The following CBLIF variants were observed in gnomAD, a reference collection of about 807,000 sequenced individuals.
The protein encoded by CBLIF is gastric intrinsic factor (vitamin B synthesis).
A neutral mutation model predicts 44.9 loss-of-function variants in CBLIF; 24 were observed. That is an observed-to-expected ratio of 0.53 (90% CI 0.39 to 0.75). The LOEUF is 0.75. Ranked by LOEUF, CBLIF falls within the 30% of genes least tolerant of loss-of-function variation. The pLI is 0.00. For missense variants in CBLIF, 481 were observed against 513.0 expected, an observed-to-expected ratio of 0.94 and a Z score of 0.60; for synonymous variants, 183 against 190.9, an observed-to-expected ratio of 0.96 and a Z score of 0.34.
At position 59,837,268 on chromosome 11, in the gene CBLIF, C is replaced by G. The variant is rs142495062; in HGVS notation, c.777G>C (p.Gln259His). The stretch of plus-strand genomic sequence containing the variant: ...TGGACATGGGGTTGTGGAATTTCCC[C>G]TGCTTAATCTCATTGAGTATCATAT... The part of the protein sequence containing the change: ...TTDMILNEIK[Q>H]GKFHNPMSIA... Residue 259 changes from glutamine to histidine, a missense_variant, in exon 6 of 9, where the codon CAG (glutamine) becomes CAC (histidine). Transcript: ENST00000257248. The G allele has an allele frequency of 1.2e-6, 2 of 1,613,156 alleles. No individual in the cohort carries two copies. Among genetic ancestry groups the G allele is most frequent in the Non-Finnish European group, 1.7e-6 (2 of 1,179,110 alleles).
intron 8 of CBLIF, among the ~76,000 whole-genome samples, 195 bp from the exon 9 acceptor site, chr11:59,829,740 C>G (rs1272849237): frequency 6.6e-6 from 1 of 152,190 alleles, no homozygotes; most frequent in East Asian, 1.9e-4. Context: ...TGTTTCCAGT[C>G]TCTGGTCACC....
At chr11:59,830,233 CTTTTT>C (rs530371257) in intron 8 of CBLIF, among the ~76,000 whole-genome samples, 2 of 123,292 alleles carry the variant, frequency 1.6e-5, no homozygotes, top group Non-Finnish European at 1.7e-5. Flanking sequence ...CAATTACTTT[CTTTTT>C]TTTTTTTTTT....
chr11:59,838,848 C>CTTTTTTTTTTTT (rs1217612334), intron 5 of CBLIF, among the ~76,000 whole-genome samples: 2 of 130,544 alleles, frequency 1.5e-5, no homozygotes, highest in African/African-American at 2.9e-5. Flanking sequence ...TTCTTTCTTT[C>CTTTTTTTTTTTT]TTTTTTTTTT....
chr11:59,845,414 C>G lies in CBLIF; in HGVS notation c.40G>C (p.Ala14Pro). ...GTCTGGGTACTAGTCCCAGCTGTAG[C>G]CCAGAGAAGGCTCAGGAGGTAGAGG... ...FALYLLSLLW[A>P]TAGTSTQTQS... The change falls in exon 1 of 9, where the codon GCT (alanine) becomes CCT (proline). Residue 14 changes from alanine (A) to proline (P), a missense_variant. Transcript: ENST00000257248. 6.2e-7 allele frequency: 1 copy of G among 1,613,040 alleles called. No individual in the cohort carries two copies. Among genetic ancestry groups the G allele is most frequent in the Non-Finnish European group, 8.5e-7 (1 of 1,179,072 alleles).
At chr11:59,834,925 C>G (rs1046290959) in intron 7 of CBLIF, among the ~76,000 whole-genome samples, 1 of 152,104 alleles carries the variant, frequency 6.6e-6, no homozygotes, top group African/African-American at 2.4e-5. Context: ...GGAGTCATGT[C>G]CTATGTTTTA....
rs936348011 is a variant in CBLIF, at chr11:59,841,827, G to A, written c.512-503C>T. Among the ~76,000 whole-genome samples the A allele has an allele frequency of 7.9e-5, 12 of 152,174 alleles. No individual in the cohort carries two copies. The Middle Eastern group carries it at 0.017, about 216-fold the overall frequency. On this transcript the variant is annotated intron_variant, in intron 4 of 8. Transcript: ENST00000257248. ...GAGGAGAAAAGGTGATCATGAATGC[G>A]GGCTGTGACAGTGGCCCCCACAGAG... is the stretch of plus-strand genomic sequence containing the variant.
rs570079041 is a variant in CBLIF, at chr11:59,834,259, T to G, written c.1073+1549A>C. Among the ~76,000 whole-genome samples the G allele has an allele frequency of 1.2e-3, 129 of 109,604 alleles. 1 individual carries two copies. Among genetic ancestry groups the G allele is most frequent in the Non-Finnish European group, 2.0e-3 (103 of 52,784 alleles). 71.9% of individuals were successfully genotyped at this position (109,604 alleles called of 152,430 possible). On this transcript the variant is annotated intron_variant, in intron 7 of 8. Transcript: ENST00000257248. ...CTTTCTTTTTCTTTCTTTCTTTCTT[T>G]CTTTCTTTCTTTCTTTCTTTCTTTC...
At chr11:59,839,846 CTGTCTGGTGATAAAT>C (rs754714161) in intron 5 of CBLIF, among the ~76,000 whole-genome samples, 3 of 152,050 alleles carry the variant, frequency 2.0e-5, no homozygotes, top group Non-Finnish European at 2.9e-5. Context: ...AAACACTTCA[CTGTCTGGTGATAAAT>C]TGAAGCAAGG....
intron 5 of CBLIF, among the ~76,000 whole-genome samples, chr11:59,840,545 A>T (rs1036941597): frequency 6.6e-6 from 1 of 152,266 alleles, no homozygotes; most frequent in Non-Finnish European, 1.5e-5. Context: ...CACATCTTAC[A>T]GAATCCAAGC....
At chr11:59,844,431 C>A (rs1039578781) in intron 1 of CBLIF, among the ~76,000 whole-genome samples, 9 of 152,142 alleles carry the variant, frequency 5.9e-5, no homozygotes, top group Admixed American at 4.6e-4. Flanking sequence ...AGCCACCTCG[C>A]CTGGCCATCT....
Position 59,835,801 on chromosome 11 carries a change from T to C in CBLIF, c.1073+7A>G. ...AGAGAATGATGAATGACATTTGTAA[T>C]ACTCACTTGAACATAGGATTTTTGC... On this transcript the variant is annotated splice_region_variant and intron_variant, in intron 7 of 8. Transcript: ENST00000257248. 1.3e-6 allele frequency: 2 copies of C among 1,592,336 alleles called. No individual in the cohort carries two copies. The highest frequency in any genetic ancestry group is 4.5e-5 in the East Asian group (2 of 44,788).
At chr11:59,841,398 G>T (rs954389483) in intron 4 of CBLIF, 74 bp from the exon 5 acceptor site, 1 of 1,023,152 alleles carries the variant, frequency 9.8e-7, no homozygotes, top group Non-Finnish European at 1.5e-6. Flanking sequence ...TTTATTGTGT[G>T]CTTATTATAT....
chr11:59,832,686 A>C (rs928332835), intron 7 of CBLIF, among the ~76,000 whole-genome samples: 1 of 152,046 alleles, frequency 6.6e-6, no homozygotes, highest in Non-Finnish European at 1.5e-5. Flanking sequence ...TAAATAAATA[A>C]ATTTTAAAAA....
chr11:59,842,882 G>C, intron 3 of CBLIF, 146 bp downstream of exon 3: 2 of 697,838 alleles, frequency 2.9e-6, no homozygotes, highest in African/African-American at 1.8e-5. Flanking sequence ...TTCTGGTCTG[G>C]ATTATCAGAA....
chr11:59,835,255 C>T (rs1866437764), intron 7 of CBLIF, among the ~76,000 whole-genome samples: 1 of 151,904 alleles, frequency 6.6e-6, no homozygotes, highest in South Asian at 2.1e-4. Context: ...AAGCGATTCT[C>T]CTGCCTCAGC....
chr11:59,833,199 G>A (rs184002563), intron 7 of CBLIF, among the ~76,000 whole-genome samples: 3 of 152,198 alleles, frequency 2.0e-5, no homozygotes, highest in East Asian at 1.9e-4. Context: ...AGTAAAGTAC[G>A]GTATATTCAG....
At chr11:59,839,539 T>C (rs1866496073) in intron 5 of CBLIF, among the ~76,000 whole-genome samples, 1 of 152,214 alleles carries the variant, frequency 6.6e-6, no homozygotes, top group South Asian at 2.1e-4. Context: ...ATTGTGATAG[T>C]TCCAGAGCCC....
At chr11:59,834,568 C>G (rs1195934426) in intron 7 of CBLIF, among the ~76,000 whole-genome samples, 1 of 150,746 alleles carries the variant, frequency 6.6e-6, no homozygotes, top group Non-Finnish European at 1.5e-5. Context: ...AATTTTTGTA[C>G]TTTTAGTAGA....
intron 3 of CBLIF, 139 bp from the exon 4 acceptor site, chr11:59,842,722 G>A (rs750365466): frequency 4.2e-5 from 33 of 786,262 alleles, no homozygotes; most frequent in Non-Finnish European, 3.5e-5. Flanking sequence ...TAGGCAAAGA[G>A]CAACTTCAGT....
Sources: gnomAD v4.1 joint callset for allele counts (sites outside exome capture counted in the v4.1 genomes callset) on GRCh38, gnomAD v4.1.1 for gene constraint, MANE v1.5 for transcripts, NCBI Gene and HGNC (gene_info 2026-07-23, HGNC 2026-07-21) for gene names.